Variants in CFAP57 observed in about 807,000 individuals in gnomAD.
CFAP57 encodes cilia and flagella associated protein 57, also known as cilia- and flagella-associated protein 57.
CFAP57 carries 116 observed loss-of-function variants against 146.8 expected under a neutral mutation model. That is an observed-to-expected ratio of 0.79 (90% CI 0.68 to 0.92). The LOEUF is 0.92. Ranked by LOEUF, CFAP57 falls within the 40% of genes least tolerant of loss-of-function variation. The probability of loss-of-function intolerance (pLI) is 0.00; values close to 1 mark genes in which losing one functional copy is unlikely to be tolerated. For missense variants in CFAP57, 1,377 were observed against 1,527.2 expected, an observed-to-expected ratio of 0.90 and a Z score of 1.64; for synonymous variants, 518 against 552.8, an observed-to-expected ratio of 0.94 and a Z score of 0.88.
chr1:43,198,713 C>T, intron 8 of CFAP57, 67 bp downstream of exon 8: 1 of 1,573,450 alleles, frequency 6.4e-7, no homozygotes, highest in Non-Finnish European at 8.7e-7. Flanking sequence ...ATATCAGGAA[C>T]TAACATGATC....
At chr1:43,223,968 C>T (rs757026441) in intron 16 of CFAP57, 78 bp from the exon 17 acceptor site, 441 of 1,514,798 alleles carry the variant, frequency 2.9e-4, no homozygotes, top group Non-Finnish European at 3.6e-4. Flanking sequence ...GTGGGGAGCC[C>T]CTTACACTGA....
Position 43,206,772 on chromosome 1 carries a change from C to T in CFAP57, c.1595C>T (p.Thr532Ile). The T allele has an allele frequency of 6.2e-7, 1 of 1,614,092 alleles. No individual in the cohort carries two copies. Among genetic ancestry groups the T allele is most frequent in the Non-Finnish European group, 8.5e-7 (1 of 1,180,030 alleles). Reference protein sequence around the residue: ...ADDSKLISGGTDGAVYEWNLS... With the variant: ...ADDSKLISGGIDGAVYEWNLS... ...GATAGCAAACTGATTTCTGGTGGCA[C>T]AGATGGTGCTGTGTATGAATGGAAT... Residue 532 changes from threonine to isoleucine, a missense_variant, in exon 10 of 23, where the codon ACA becomes ATA. By Grantham distance (89) the Thr-to-Ile change is moderately conservative. Transcript: ENST00000372492.
intron 10 of CFAP57, among the ~76,000 whole-genome samples, chr1:43,208,625 C>T (rs1024432040): frequency 6.6e-6 from 1 of 152,080 alleles, no homozygotes; most frequent in Non-Finnish European, 1.5e-5. Context: ...TGGGGAACAC[C>T]ACACAACGGG....
chr1:43,254,255 A>C lies in CFAP57; in HGVS notation c.*64A>C. 7.0e-7 allele frequency: 1 copy of C among 1,437,922 alleles called. No individual in the cohort carries two copies. Among genetic ancestry groups the C allele is most frequent in the South Asian group, 1.4e-5 (1 of 73,002 alleles). 89.1% of individuals were successfully genotyped at this position (1,437,922 alleles called of 1,614,324 possible). ...AACACAGCATGTCTGTCCCCAAGCC[A>C]GACTTGCGGTTGGAGTCTGTATGGT... On this transcript the variant is annotated 3_prime_UTR_variant, in exon 23 of 23. Transcript: ENST00000372492.
intron 1 of CFAP57, 120 bp downstream of exon 1, chr1:43,172,573 AAAGGGGAGGGAC>A (rs60903504): frequency 0.081 from 47,319 of 582,024 alleles, 3,526 homozygotes; most frequent in East Asian, 0.32. Flanking sequence ...GGGGGAGGGG[AAAGGGGAGGGAC>A]AAGGGGAGGG....
At chr1:43,219,880 A>G (rs921462242) in intron 13 of CFAP57, among the ~76,000 whole-genome samples, 1 of 152,158 alleles carries the variant, frequency 6.6e-6, no homozygotes, top group Non-Finnish European at 1.5e-5. Flanking sequence ...AATCATCTGA[A>G]CCTGGGAAGT....
At chr1:43,253,725 G>C (rs1646376673) in intron 22 of CFAP57, among the ~76,000 whole-genome samples, 1 of 152,110 alleles carries the variant, frequency 6.6e-6, no homozygotes, top group Non-Finnish European at 1.5e-5. Context: ...AGGCGGATCT[G>C]GGGGCTCAGG....
intron 9 of CFAP57, among the ~76,000 whole-genome samples, chr1:43,203,609 C>T (rs962043721): frequency 1.5e-4 from 23 of 152,060 alleles, no homozygotes; most frequent in Admixed American, 1.2e-3. Flanking sequence ...TACAGGTGTG[C>T]GCCACCATGC....
intron 13 of CFAP57, 31 bp downstream of exon 13, chr1:43,219,568 A>T: frequency 1.9e-6 from 3 of 1,549,606 alleles, no homozygotes; most frequent in Non-Finnish European, 2.6e-6. Flanking sequence ...AACAAGCACA[A>T]ATAACAAGAA....
At chr1:43,204,398 TTTTGTTTG>T (rs59128366) in intron 9 of CFAP57, among the ~76,000 whole-genome samples, 4 of 151,824 alleles carry the variant, frequency 2.6e-5, no homozygotes, top group South Asian at 2.1e-4. Flanking sequence ...GTTACACTCT[TTTTGTTTG>T]TTTGTTTGTT....
chr1:43,219,615 C>A, intron 13 of CFAP57, 78 bp downstream of exon 13: 1 of 1,465,056 alleles, frequency 6.8e-7, no homozygotes, highest in Non-Finnish European at 9.3e-7. Context: ...ATATACTGCC[C>A]AAGCTATGCT....
At chr1:43,178,761 T>C (rs1254966805) in intron 2 of CFAP57, among the ~76,000 whole-genome samples, 5 of 152,184 alleles carry the variant, frequency 3.3e-5, no homozygotes, top group Admixed American at 2.0e-4. Flanking sequence ...GAAATACCAT[T>C]TGACCCAGCC....
chr1:43,227,676 A>G (rs928235672), intron 18 of CFAP57, among the ~76,000 whole-genome samples: 2 of 152,100 alleles, frequency 1.3e-5, no homozygotes, highest in African/African-American at 4.8e-5. Context: ...TCAACTGGAC[A>G]AGGGTTTCTG....
Position 43,172,796 on chromosome 1 carries a change from C to T in CFAP57, c.43C>T (p.Arg15Ter), listed in dbSNP as rs1645027339. 2.5e-6 allele frequency: 4 copies of T among 1,614,094 alleles called. No individual in the cohort carries two copies. Among genetic ancestry groups the T allele is most frequent in the South Asian group, 2.2e-5 (2 of 91,082 alleles). Residue 15 changes from arginine to a stop codon, truncating the protein, a stop_gained, in exon 2 of 23, where the codon CGA becomes TGA. Transcript: ENST00000372492. LOFTEE classifies it high-confidence loss of function. ...VAQTLHVFGLRSHVANNIFYF... is the reference protein window; with the variant it reads ...VAQTLHVFGL ...TCAGACGCTGCATGTTTTTGGTCTT[C>T]GATCCCACGTGGCCAACAATATCTT... is the stretch of plus-strand genomic sequence containing the variant.
At chr1:43,211,216 C>G (rs1644594677) in intron 11 of CFAP57, among the ~76,000 whole-genome samples, 2 of 152,184 alleles carry the variant, frequency 1.3e-5, no homozygotes, top group South Asian at 4.1e-4. Flanking sequence ...CCCTTCAGAT[C>G]TGCTAAGTTT....
chr1:43,180,595 A>G (rs1645365042), intron 2 of CFAP57, among the ~76,000 whole-genome samples: 1 of 152,116 alleles, frequency 6.6e-6, no homozygotes, highest in Non-Finnish European at 1.5e-5. Context: ...GCAGGCGTGC[A>G]TGCCCAGCCC....
chr1:43,174,901 C>G (rs568119815), intron 2 of CFAP57, among the ~76,000 whole-genome samples: 4 of 152,198 alleles, frequency 2.6e-5, no homozygotes, highest in Non-Finnish European at 4.4e-5. Flanking sequence ...TATATTTGCT[C>G]TCATACTTAC....
chr1:43,231,988 T>G, intron 18 of CFAP57: 1 of 644,162 alleles, frequency 1.6e-6, no homozygotes, highest in East Asian at 2.8e-5. Context: ...TGAGGCCCCT[T>G]CTCAGCTTCC....
chr1:43,174,625 C>T (rs779258039), intron 2 of CFAP57, among the ~76,000 whole-genome samples: 1 of 151,984 alleles, frequency 6.6e-6, no homozygotes, highest in African/African-American at 2.4e-5. Flanking sequence ...AGACCATCCT[C>T]GCCAACATAG....
Sources: allele counts gnomAD v4.1 joint callset (sites outside exome capture counted in the v4.1 genomes callset), GRCh38; gene constraint gnomAD v4.1.1; transcripts MANE v1.5; gene names NCBI Gene and HGNC (gene_info 2026-07-23, HGNC 2026-07-21).